METTL17: variants seen among roughly 807,000 people sequenced by gnomAD.
The protein encoded by METTL17 is ribosome assembly protein METTL17, mitochondrial.
A neutral mutation model predicts 59.4 loss-of-function variants in METTL17; 49 were observed. The ratio of observed to expected loss-of-function variants is 0.82; its 90% CI spans 0.66 to 1.05. The LOEUF (loss-of-function observed/expected upper bound fraction) is 1.05, where lower values mean the gene tolerates loss of function less well. METTL17 is among the 50% of genes least tolerant of loss of function. The pLI, the probability that METTL17 is intolerant of heterozygous loss-of-function variation, is 0.00. For missense variants in METTL17, 555 were observed against 578.4 expected, an observed-to-expected ratio of 0.96 and a Z score of 0.41; for synonymous variants, 208 against 209.2, an observed-to-expected ratio of 0.99 and a Z score of 0.05.
At chr14:20,995,327 G>A in intron 10 of METTL17, 94 bp downstream of exon 10, 1 of 1,130,890 alleles carries the variant, frequency 8.8e-7, no homozygotes. Flanking sequence ...ATTGACAAGG[G>A]TGGCTCTCAG....
At position 20,994,083 on chromosome 14, in the gene METTL17, C is replaced by A; in HGVS notation, c.697+20C>A. 6.3e-7 allele frequency: 1 copy of A among 1,589,746 alleles called. No individual in the cohort carries two copies. The highest frequency in any genetic ancestry group is 8.6e-7 in the Non-Finnish European group (1 of 1,158,698). ...TGAAAGGTGAGTGCAAGAGCACTTC[C>A]AAAGTTGAGGGAGTTAAGAAAGCAA... On this transcript the variant is annotated intron_variant, in intron 7 of 13. Transcript: ENST00000339374.
rs145161426 is a variant in METTL17 at position 20,995,308 on chromosome 14, C to T, written c.945+75C>T. ...GTTACTCTCTTGAAAACGAAAGAGA[C>T]TGTCATGTATTGACAAGGGTGGCTC... is the stretch of plus-strand genomic sequence containing the variant. On this transcript the variant is annotated intron_variant, in intron 10 of 13. Coordinates refer to ENST00000339374, the MANE Select transcript of METTL17 (RefSeq NM_022734.3). 170 of 1,336,142 alleles carry T rather than the reference C, an allele frequency of 1.3e-4. No individual in the cohort carries two copies. The African/African-American group carries it at 2.3e-3, about 18-fold the overall frequency. 82.8% of individuals were successfully genotyped at this position (1,336,142 alleles called of 1,614,324 possible).
chr14:20,996,431 T>G, intron 12 of METTL17, 96 bp from the exon 13 acceptor site: 10 of 1,501,456 alleles, frequency 6.7e-6, no homozygotes, highest in Non-Finnish European at 9.0e-6. Flanking sequence ...ATTTATACAT[T>G]GTAAAAAAGG....
intron 7 of METTL17, among the ~76,000 whole-genome samples, chr14:20,994,266 CT>C (rs1880225903): frequency 1.3e-5 from 2 of 150,662 alleles, no homozygotes; most frequent in African/African-American, 2.4e-5. Context: ...GACAGGAGGC[CT>C]AATATTCTCC....
At chr14:20,996,370 GT>G in intron 12 of METTL17, 78 bp downstream of exon 12, 1 of 1,536,852 alleles carries the variant, frequency 6.5e-7, no homozygotes, top group East Asian at 2.2e-5. Flanking sequence ...GTTAGGAGGA[GT>G]TGGATAATTT....
chr14:20,993,015 A>G, intron 5 of METTL17, 103 bp from the exon 6 acceptor site: 1 of 957,948 alleles, frequency 1.0e-6, no homozygotes, highest in Non-Finnish European at 1.7e-6. Context: ...CTCAAAAGGC[A>G]TTCACATCTC....
At chr14:20,993,765 G>A (rs1204427702) in intron 6 of METTL17, 1 of 382,592 alleles carries the variant, frequency 2.6e-6, no homozygotes, top group Non-Finnish European at 4.7e-6. Flanking sequence ...GAGCCACTGT[G>A]CCCAGCTGAG....
At chr14:20,993,930 C>A in intron 6 of METTL17, 39 bp from the exon 7 acceptor site, 1 of 1,518,324 alleles carries the variant, frequency 6.6e-7, no homozygotes, top group South Asian at 1.1e-5. Flanking sequence ...GACTCTTGGT[C>A]ATGGGAATTG....
intron 4 of METTL17, 64 bp from the exon 5 acceptor site, chr14:20,992,477 T>G: frequency 7.6e-7 from 1 of 1,315,468 alleles, no homozygotes; most frequent in East Asian, 2.3e-5. Context: ...TTTCTAAATC[T>G]AGAAGGTAAT....
In METTL17 at chr14:20,990,314, G is replaced by A. The variant is rs552092236; in HGVS notation, c.160G>A (p.Gly54Ser). 7 of 1,614,252 alleles carry A rather than the reference G, an allele frequency of 4.3e-6. No individual in the cohort carries two copies. The East Asian group carries it at 1.1e-4, about 26-fold the overall frequency. Residue 54 changes from glycine to serine, a missense_variant, in exon 2 of 14, where the codon GGC becomes AGC. By Grantham distance (56) the Gly-to-Ser change is moderately conservative. Coordinates refer to ENST00000339374, the MANE Select transcript of METTL17 (RefSeq NM_022734.3). ...LQKRPHRQHP[G>S]ILKLPHVRLP... ...GAAGAGGCCTCATCGCCAGCACCCT[G>A]GCATCCTAAAGCTGCCGCACGTGCG...
intron 9 of METTL17, 106 bp from the exon 10 acceptor site, chr14:20,995,059 T>G: frequency 1.6e-6 from 2 of 1,219,108 alleles, no homozygotes; most frequent in South Asian, 1.3e-5. Flanking sequence ...AATGCCTATT[T>G]CTTTTTAGGA....
At position 20,993,976 on chromosome 14, in the gene METTL17, C is replaced by T. The variant is rs750047391; in HGVS notation, c.610C>T (p.His204Tyr). 1.2e-5 allele frequency: 20 copies of T among 1,612,908 alleles called. No individual in the cohort carries two copies. The highest frequency in any genetic ancestry group is 2.2e-5 in the East Asian group (1 of 44,832). Residue 204 changes from histidine (H) to tyrosine (Y), a missense_variant, in exon 7 of 14, where the codon CAC (histidine) becomes TAC (tyrosine). His to Tyr is a moderately conservative substitution (Grantham distance 83, BLOSUM62 2). Transcript: ENST00000339374. ...SGTGSVTWAA[H>Y]SIWGQSLREY... ...ATAATTTTGCCATCTTAGGGCTGCTCACAGTATTTGGGGCCAGAGCCTACG... is the reference window on the plus strand; with the variant it reads ...ATAATTTTGCCATCTTAGGGCTGCTTACAGTATTTGGGGCCAGAGCCTACG...
intron 7 of METTL17, among the ~76,000 whole-genome samples, chr14:20,994,283 CTTT>C (rs370656915): frequency 4.3e-5 from 6 of 138,818 alleles, no homozygotes; most frequent in African/African-American, 5.3e-5. Context: ...TCTCCCTGCC[CTTT>C]TTTTTTTTTT....
At chr14:20,994,097 T>C in intron 7 of METTL17, 34 bp downstream of exon 7, 1 of 1,523,390 alleles carries the variant, frequency 6.6e-7, no homozygotes, top group Non-Finnish European at 9.1e-7. Context: ...GTTGAGGGAG[T>C]TAAGAAAGCA....
In METTL17 at chr14:20,990,601, A is replaced by G. The variant is rs761453342; in HGVS notation, c.364+3A>G. 4.4e-5 allele frequency: 71 copies of G among 1,613,912 alleles called. No individual in the cohort carries two copies. The highest frequency in any genetic ancestry group is 6.7e-5 in the African/African-American group (5 of 74,904). On this transcript the variant is annotated splice_donor_region_variant and intron_variant, in intron 3 of 13. Coordinates refer to ENST00000339374, the MANE Select transcript of METTL17 (RefSeq NM_022734.3). ...GAAAAAATTCCTGGAAAACCCAGGT[A>G]GGACTTAAGAATAATTAAAAAGTGG...
chr14:20,992,736 G>T, intron 5 of METTL17, 114 bp downstream of exon 5: 1 of 797,894 alleles, frequency 1.3e-6, no homozygotes, highest in Non-Finnish European at 2.1e-6. Context: ...TTTTTTTAAA[G>T]AGGATCTCCG....
chr14:20,992,072 C>T (rs1012818534), intron 3 of METTL17, 52 bp from the exon 4 acceptor site: 1 of 1,541,814 alleles, frequency 6.5e-7, no homozygotes, highest in Non-Finnish European at 9.0e-7. Context: ...GATATTGGAT[C>T]TGAGCCCTGT....
chr14:20,995,360 T>A, intron 10 of METTL17, 127 bp downstream of exon 10: 2 of 811,610 alleles, frequency 2.5e-6, no homozygotes, highest in Non-Finnish European at 4.1e-6. Flanking sequence ...ATGAAGTCAT[T>A]ATGATACAGA....
intron 6 of METTL17, chr14:20,993,476 C>CTT (rs66578629): frequency 4.0e-3 from 1,471 of 366,434 alleles, no homozygotes; most frequent in Middle Eastern, 9.2e-3. Context: ...TTGAGTCTAC[C>CTT]TTTTTTTTTT....
Sources: allele counts gnomAD v4.1 joint callset (sites outside exome capture counted in the v4.1 genomes callset), GRCh38; gene constraint gnomAD v4.1.1; transcripts MANE v1.5; gene names NCBI Gene and HGNC (gene_info 2026-07-23, HGNC 2026-07-21).